ELOVL6: variants seen among roughly 807,000 people sequenced by gnomAD.
ELOVL6 encodes very long chain fatty acid elongase 6.
ELOVL6 carries 8 observed loss-of-function variants against 31.7 expected under a neutral mutation model. The ratio of observed to expected loss-of-function variants is 0.25; its 90% CI spans 0.15 to 0.45. The LOEUF is 0.45. ELOVL6 is among the 20% of genes least tolerant of loss of function. The probability of loss-of-function intolerance (pLI) is 1.00; values close to 1 mark genes in which losing one functional copy is unlikely to be tolerated. For missense variants in ELOVL6, 126 were observed against 326.4 expected, an observed-to-expected ratio of 0.39 and a Z score of 4.73; for synonymous variants, 101 against 117.7, an observed-to-expected ratio of 0.86 and a Z score of 0.92.
rs118128579 is a variant in ELOVL6 at position 110,141,050 on chromosome 4, A to T, written c.90-35422T>A. Among the ~76,000 whole-genome samples, 28 of 151,992 alleles carry T rather than the reference A, an allele frequency of 1.8e-4. No individual in the cohort carries two copies. The East Asian group carries it at 5.4e-3, about 29-fold the overall frequency. On this transcript the variant is annotated intron_variant, in intron 1 of 3. Transcript: ENST00000302274. ...ATCTCTGTGGTAGTTGTTCTGATTC[A>T]AGTATTGAATTGGTTTTTTTTGTTT...
intron 3 of ELOVL6, among the ~76,000 whole-genome samples, chr4:110,055,961 A>G (rs1244823926): frequency 6.6e-6 from 1 of 152,118 alleles, no homozygotes. Flanking sequence ...CTTGCTATTT[A>G]TTAAGAGTTT....
intron 2 of ELOVL6, among the ~76,000 whole-genome samples, chr4:110,069,131 A>AAATAATAAT (rs58966120): frequency 0.061 from 8,112 of 133,582 alleles, 275 homozygotes; most frequent in Middle Eastern, 0.11. Context: ...CTCTGTCTCC[A>AAATAATAAT]AATAATAATA....
At chr4:110,123,719 G>C (rs963653491) in intron 1 of ELOVL6, among the ~76,000 whole-genome samples, 1 of 152,106 alleles carries the variant, frequency 6.6e-6, no homozygotes, top group Non-Finnish European at 1.5e-5. Context: ...GCCAAGGCAA[G>C]AACTATCTTC....
In ELOVL6 at chr4:110,078,972, A is replaced by G. The variant is rs546629773; in HGVS notation, c.222-19218T>C. ...CTGATAAAACAGACTTTAAGCCAAC[A>G]AAGATCAAAAGAGACAAAGAAGGCC... On this transcript the variant is annotated intron_variant, in intron 2 of 3. Coordinates refer to ENST00000302274, the MANE Select transcript of ELOVL6 (RefSeq NM_024090.3). Among the ~76,000 whole-genome samples, 424 of 152,332 alleles carry G rather than the reference A, an allele frequency of 2.8e-3. 3 individuals carry two copies. The highest frequency in any genetic ancestry group is 9.5e-3 in the African/African-American group (393 of 41,570).
chr4:110,087,035 A>G (rs1394227878), intron 2 of ELOVL6, among the ~76,000 whole-genome samples: 1 of 152,172 alleles, frequency 6.6e-6, no homozygotes, highest in East Asian at 1.9e-4. Context: ...AAATTTAGGG[A>G]AACACCTGTC....
In ELOVL6 at chr4:110,046,108, C is replaced by G. The variant is rs72898509; in HGVS notation, c.*5230G>C. ...TCTAGACAGGCAGACCTGTTTGAAA[C>G]GAGTATGACCAGGGAGGACTGTTAG... On this transcript the variant is annotated 3_prime_UTR_variant, in exon 4 of 4. Coordinates refer to ENST00000302274, the MANE Select transcript of ELOVL6 (RefSeq NM_024090.3). 1 of 152,078 alleles carries G rather than the reference C, an allele frequency of 6.6e-6. No homozygotes were observed. The highest frequency in any genetic ancestry group is 2.4e-5 in the African/African-American group (1 of 41,390). 9.4% of individuals were successfully genotyped at this position (152,078 alleles called of 1,614,324 possible).
At chr4:110,056,719 A>C (rs1391774867) in intron 3 of ELOVL6, among the ~76,000 whole-genome samples, 2 of 152,216 alleles carry the variant, frequency 1.3e-5, no homozygotes, top group Non-Finnish European at 2.9e-5. Flanking sequence ...ACAAAGGACT[A>C]CTACAAATTA....
Position 110,173,670 on chromosome 4 carries a change from A to AAATAATAATAAT in ELOVL6, c.89+24565_89+24576dup, listed in dbSNP as rs148753272. ...GCAGAACTAGAAATCAGGTAAAGGA[A>AAATAATAATAAT]AATAATAATAATAATAATAATAATA... On this transcript the variant is annotated intron_variant, in intron 1 of 3. Transcript: ENST00000302274. Among the ~76,000 whole-genome samples the AAATAATAATAAT allele has an allele frequency of 1.8e-4, 26 of 140,948 alleles. 2 individuals carry two copies. Among genetic ancestry groups the AAATAATAATAAT allele is most frequent in the African/African-American group, 5.1e-4 (20 of 38,848 alleles). 92.5% of individuals were successfully genotyped at this position (140,948 alleles called of 152,430 possible). A position where few individuals can be genotyped will look rare whatever the true frequency, so the allele number is the denominator to read the frequency against.
chr4:110,155,876 G>A (rs1758400085), intron 1 of ELOVL6, among the ~76,000 whole-genome samples: 1 of 152,142 alleles, frequency 6.6e-6, no homozygotes, highest in Non-Finnish European at 1.5e-5. Context: ...AAGGTTCCCA[G>A]ACAATTACAA....
chr4:110,185,887 G>A (rs182366992), intron 1 of ELOVL6, among the ~76,000 whole-genome samples: 32 of 152,238 alleles, frequency 2.1e-4, no homozygotes, highest in African/African-American at 7.5e-4. Flanking sequence ...ACCAAGAGAA[G>A]AATAAGAAAA....
intron 2 of ELOVL6, among the ~76,000 whole-genome samples, chr4:110,084,135 A>ATATGATATATATATCACATATATG (rs1553955997): frequency 0.14 from 5,008 of 34,854 alleles, 561 homozygotes; most frequent in South Asian, 0.24. Context: ...ATATGTGATA[A>ATATGATATATATATCACATATATG]TGATATATAT....
At chr4:110,080,110 AC>A (rs201732462) in intron 2 of ELOVL6, among the ~76,000 whole-genome samples, 37,623 of 151,912 alleles carry the variant, frequency 0.25, 4,833 homozygotes, top group Non-Finnish European at 0.29. Flanking sequence ...TAGCTTACCA[AC>A]CAAAAAAAGT....
chr4:110,192,019 G>A (rs571547625), intron 1 of ELOVL6, among the ~76,000 whole-genome samples: 2 of 151,786 alleles, frequency 1.3e-5, no homozygotes, highest in South Asian at 2.1e-4. Flanking sequence ...GTGAAAACTC[G>A]TTTCTACTAA....
intron 2 of ELOVL6, among the ~76,000 whole-genome samples, chr4:110,084,403 TATATGACATACATG>T (rs1756126636): frequency 5.0e-5 from 1 of 20,112 alleles, no homozygotes; most frequent in Non-Finnish European, 1.3e-4. Flanking sequence ...TGATATATGA[TATATGACATACATG>T]ATATATCACA....
chr4:110,097,608 A>T (rs1187948173), intron 2 of ELOVL6, among the ~76,000 whole-genome samples: 1 of 152,094 alleles, frequency 6.6e-6, no homozygotes, highest in Non-Finnish European at 1.5e-5. Flanking sequence ...TCATTTTGTG[A>T]CCTGACCTTT....
chr4:110,196,353 C>T (rs892975016), intron 1 of ELOVL6, among the ~76,000 whole-genome samples: 1 of 152,208 alleles, frequency 6.6e-6, no homozygotes, highest in Non-Finnish European at 1.5e-5. Flanking sequence ...ATATGACAAA[C>T]ATGTGCGGAG....
At chr4:110,184,840 T>C (rs969185649) in intron 1 of ELOVL6, among the ~76,000 whole-genome samples, 2 of 152,170 alleles carry the variant, frequency 1.3e-5, no homozygotes, top group Non-Finnish European at 2.9e-5. Context: ...AAATCGATGG[T>C]TTGAGAAGAC....
At chr4:110,179,234 G>A (rs1034970036) in intron 1 of ELOVL6, among the ~76,000 whole-genome samples, 2 of 152,206 alleles carry the variant, frequency 1.3e-5, no homozygotes, top group African/African-American at 4.8e-5. Context: ...GCCAGGTATA[G>A]TGGCTCATGC....
At chr4:110,084,292 T>C (rs1158106725) in intron 2 of ELOVL6, among the ~76,000 whole-genome samples, 1 of 116,824 alleles carries the variant, frequency 8.6e-6, no homozygotes, top group East Asian at 2.2e-4. Flanking sequence ...ATATAACTTA[T>C]ATATGATATA....
Sources: allele counts gnomAD v4.1 joint callset (sites outside exome capture counted in the v4.1 genomes callset), GRCh38; gene constraint gnomAD v4.1.1; transcripts MANE v1.5; gene names NCBI Gene and HGNC (gene_info 2026-07-23, HGNC 2026-07-21).